Variants in ATR observed in about 807,000 individuals in gnomAD.
ATR encodes the protein serine/threonine-protein kinase ATR.
In ATR, 142 loss-of-function variants were observed where a neutral mutation model predicts 305.3. The observed-to-expected ratio is 0.47, with a 90% confidence interval of 0.41 to 0.53. The LOEUF (loss-of-function observed/expected upper bound fraction) is 0.53. Ranked by LOEUF, ATR falls within the 20% of genes least tolerant of loss-of-function variation. The pLI is 0.00. For synonymous variants in ATR, 1,050 were observed against 1,068.1 expected (o/e 0.98, Z 0.33); for missense variants, 2,135 against 3,133.1 (o/e 0.68, Z 7.60).
chr3:142,515,326 C>T (rs891865463), intron 25 of ATR, 69 bp downstream of exon 25: 15 of 1,579,706 alleles, frequency 9.5e-6, no homozygotes, highest in African/African-American at 1.4e-5. Context: ...GTGTGCTAGG[C>T]ATTCAGATAG....
rs1559954264 is a variant in ATR, at chr3:142,513,655, T to C, written c.4504-17A>G. 1 of 1,612,440 alleles carries C rather than the reference T, an allele frequency of 6.2e-7. No individual in the cohort carries two copies. ...ATGTCGAACCTGTAAATGCAAAATG[T>C]GTAGACAGTAACACACTTTCACATA... On this transcript the variant is annotated splice_polypyrimidine_tract_variant and intron_variant, in intron 25 of 46. Transcript: ENST00000350721.
chr3:142,513,230 C>T (rs184006786), intron 26 of ATR, among the ~76,000 whole-genome samples: 52 of 152,060 alleles, frequency 3.4e-4, no homozygotes, highest in African/African-American at 9.6e-4. Context: ...AAAATTTCTG[C>T]GTGGCAAAAT....
At chr3:142,552,669 C>CG (rs2034514425) in intron 13 of ATR, among the ~76,000 whole-genome samples, 1 of 93,328 alleles carries the variant, frequency 1.1e-5, no homozygotes. Context: ...TACTCCATCT[C>CG]AAAAAAAAAA....
intron 35 of ATR, among the ~76,000 whole-genome samples, chr3:142,490,464 C>G (rs566294066): frequency 1.1e-4 from 16 of 152,284 alleles, no homozygotes; most frequent in Non-Finnish European, 1.8e-4. Flanking sequence ...TATGGCTTAC[C>G]TTTTCATTTT....
At chr3:142,514,634 GAA>G (rs777062209) in intron 25 of ATR, among the ~76,000 whole-genome samples, 5 of 124,592 alleles carry the variant, frequency 4.0e-5, no homozygotes, top group East Asian at 2.3e-4. Flanking sequence ...ACTCTGTCTC[GAA>G]AAAAAAAAAA....
rs373891058 is a variant in ATR at position 142,541,675 on chromosome 3, G to T, written c.3451-641C>A. ...CATTTTAGTTATTTATGGTTTACAA[G>T]ACAAACTGTAGTTTTCTTAGATTCA... On this transcript the variant is annotated intron_variant, in intron 17 of 46. Transcript: ENST00000350721. 1.4e-4 allele frequency among the ~76,000 whole-genome samples: 21 copies of T among 152,298 alleles called. No individual in the cohort carries two copies. In the East Asian group the frequency reaches 4.0e-3, roughly 29 times the overall value.
chr3:142,527,019 G>A (rs113977681), intron 21 of ATR, among the ~76,000 whole-genome samples: 2,725 of 152,112 alleles, frequency 0.018, 29 homozygotes, highest in South Asian at 0.041. Context: ...GAACCCTTGG[G>A]CTCAAGCAAT....
chr3:142,562,746 A>G lies in ATR; in HGVS notation c.656T>C (p.Ile219Thr). The part of the protein sequence containing the change: ...LLMVLTRIIA[I>T]VFFRRQELLL... Reference sequence around the variant, plus strand: ...GAGTTCTTGCCTTCTAAAAAACACAATTGCAATAATACGAGTAAGAACCAT... The same window carrying G: ...GAGTTCTTGCCTTCTAAAAAACACAGTTGCAATAATACGAGTAAGAACCAT... Residue 219 changes from isoleucine to threonine, a missense_variant, in exon 4 of 47, where the codon ATT (isoleucine) becomes ACT (threonine). Ile to Thr is a moderately conservative substitution (Grantham distance 89). Transcript: ENST00000350721. 6.2e-7 allele frequency: 1 copy of G among 1,613,656 alleles called. No individual in the cohort carries two copies.
chr3:142,492,150 T>G (rs62276437), intron 35 of ATR, among the ~76,000 whole-genome samples: 1 of 151,996 alleles, frequency 6.6e-6, no homozygotes, highest in Non-Finnish European at 1.5e-5. Context: ...CCTTCTAGTA[T>G]GGATATAGAG....
intron 3 of ATR, among the ~76,000 whole-genome samples, chr3:142,564,623 T>G (rs933373503): frequency 1.3e-5 from 2 of 152,244 alleles, no homozygotes; most frequent in Non-Finnish European, 2.9e-5. Flanking sequence ...CTTGAGCTTT[T>G]TGACTGCAAC....
intron 29 of ATR, 84 bp downstream of exon 29, chr3:142,505,055 A>T (rs1379578804): frequency 6.5e-7 from 1 of 1,548,534 alleles, no homozygotes. Flanking sequence ...AAAACAAAAC[A>T]AAACAAAACA....
chr3:142,575,543 T>A (rs1285954081), intron 1 of ATR, among the ~76,000 whole-genome samples: 1 of 151,632 alleles, frequency 6.6e-6, no homozygotes, highest in East Asian at 1.9e-4. Context: ...CAGATTCACG[T>A]GACTAGCTTC....
At chr3:142,519,526 T>C in intron 24 of ATR, 143 bp downstream of exon 24, 1 of 628,718 alleles carries the variant, frequency 1.6e-6, no homozygotes. Context: ...GATCTCGAAC[T>C]CCTGACCTCG....
At position 142,535,112 on chromosome 3, in the gene ATR, T is replaced by A; in HGVS notation, c.3913A>T (p.Thr1305Ser). The change falls in exon 21 of 47, where the codon ACA (threonine) becomes TCA (serine). Residue 1305 changes from threonine to serine, a missense_variant. Physicochemically the swap from Thr to Ser is moderately conservative, Grantham distance 58. Coordinates refer to ENST00000350721, the MANE Select transcript of ATR (RefSeq NM_001184.4). Reference sequence around the variant, plus strand: ...TTATACAAGGTTTCCTTCAAGCTTGTAAGAGCATGAATACGAACATCGACA... The same window carrying A: ...TTATACAAGGTTTCCTTCAAGCTTGAAAGAGCATGAATACGAACATCGACA... ...ENVDVRIHAL[T>S]SLKETLYKNQ... The A allele has an allele frequency of 6.2e-7, 1 of 1,613,070 alleles. No homozygotes were observed.
chr3:142,497,468 A>G (rs1174462930), intron 32 of ATR, among the ~76,000 whole-genome samples: 1 of 152,050 alleles, frequency 6.6e-6, no homozygotes, highest in Non-Finnish European at 1.5e-5. Context: ...AGGCAGGTGG[A>G]TCACTTGAAC....
chr3:142,532,145 C>T (rs966643089), intron 21 of ATR, among the ~76,000 whole-genome samples: 10 of 152,174 alleles, frequency 6.6e-5, no homozygotes, highest in African/African-American at 2.2e-4. Context: ...GAGATGAACC[C>T]GGTACCTCAG....
chr3:142,497,343 T>C (rs1229583426), intron 32 of ATR, 151 bp from the exon 33 acceptor site: 1 of 805,932 alleles, frequency 1.2e-6, no homozygotes, highest in African/African-American at 1.7e-5. Context: ...AAGTAAATAA[T>C]TACATTTATA....
At chr3:142,552,915 A>T (rs570183117) in intron 13 of ATR, among the ~76,000 whole-genome samples, 5 of 151,310 alleles carry the variant, frequency 3.3e-5, no homozygotes, top group Admixed American at 3.3e-4. Flanking sequence ...TGATGAGAAC[A>T]CATGGACACA....
At chr3:142,485,398 A>G in intron 35 of ATR, 116 bp from the exon 36 acceptor site, 1 of 1,225,892 alleles carries the variant, frequency 8.2e-7, no homozygotes, top group Non-Finnish European at 1.1e-6. Context: ...GGCAGAGCAA[A>G]GTCAAAAGCA....
Sources: allele counts gnomAD v4.1 joint callset (sites outside exome capture counted in the v4.1 genomes callset), GRCh38; gene constraint gnomAD v4.1.1; transcripts MANE v1.5; gene names NCBI Gene and HGNC (gene_info 2026-07-23, HGNC 2026-07-21).